The following PIEZO2 variants were observed in gnomAD, a reference collection of about 807,000 sequenced individuals.
The protein encoded by PIEZO2 is piezo type mechanosensitive ion channel component 2.
A neutral mutation model predicts 337.3 loss-of-function variants in PIEZO2; 172 were observed. The observed-to-expected ratio is 0.51, with a 90% CI of 0.45 to 0.58. The LOEUF is 0.58. PIEZO2 is among the 20% of genes least tolerant of loss of function. PIEZO2 has a pLI of 0.00. For synonymous variants in PIEZO2, 1,251 were observed against 1,228.5 expected, an observed-to-expected ratio of 1.02 and a Z score of -0.38; for missense variants, 3,028 against 3,391.3, an observed-to-expected ratio of 0.89 and a Z score of 2.66.
At chr18:10,958,515 G>A (rs1366842203) in intron 3 of PIEZO2, among the ~76,000 whole-genome samples, 2 of 152,152 alleles carry the variant, frequency 1.3e-5, no homozygotes, top group African/African-American at 4.8e-5. Flanking sequence ...ATATATTTCA[G>A]ATTGGTTAAA....
chr18:10,995,741 A>T (rs2035297164), intron 2 of PIEZO2, among the ~76,000 whole-genome samples: 1 of 152,166 alleles, frequency 6.6e-6, no homozygotes, highest in Non-Finnish European at 1.5e-5. Context: ...GCCTCTTTCC[A>T]GTGACTGTGT....
chr18:10,833,500 G>A lies in PIEZO2; in HGVS notation c.917+21853C>T, dbSNP rs537073547. Among the ~76,000 whole-genome samples, 3 of 152,204 alleles carry A rather than the reference G, an allele frequency of 2.0e-5. No individual in the cohort carries two copies. The highest frequency in any genetic ancestry group is 3.9e-4 in the East Asian group (2 of 5,154). On this transcript the variant is annotated intron_variant, in intron 7 of 55. Transcript: ENST00000674853. This position sits in a 1 kb window ranked among gnomAD's most constrained non-coding sequence, Gnocchi z 4.7. The stretch of plus-strand genomic sequence containing the variant: ...ATGCAGGCAGCTCGCTCCCCGGTGG[G>A]TTTTTATTTCTGTTGGAGTTCAGAA...
Position 10,702,588 on chromosome 18 carries a change from T to C in PIEZO2, c.6259-417A>G, listed in dbSNP as rs185320046. On this transcript the variant is annotated intron_variant, in intron 42 of 55. Transcript: ENST00000674853. ...CTGTATTTCTTTAATTCGCAATCTA[T>C]AGGAGCATATCACACGGTTAGGATG... 2.4e-4 allele frequency among the ~76,000 whole-genome samples: 36 copies of C among 152,362 alleles called. 2 individuals carry two copies. In the East Asian group the frequency reaches 6.0e-3, roughly 25 times the overall value.
At chr18:11,052,928 T>G (rs901317635) in intron 2 of PIEZO2, among the ~76,000 whole-genome samples, 11 of 151,564 alleles carry the variant, frequency 7.3e-5, no homozygotes, top group African/African-American at 2.7e-4. Flanking sequence ...AAGTATTTAT[T>G]AAGTGACTAG....
At chr18:10,710,384 C>T (rs1252307341) in intron 39 of PIEZO2, among the ~76,000 whole-genome samples, 1 of 152,100 alleles carries the variant, frequency 6.6e-6, no homozygotes, top group Non-Finnish European at 1.5e-5. Context: ...CCTGACGGGC[C>T]CCCCCACTGC....
Position 10,948,971 on chromosome 18 carries a change from G to A in PIEZO2, c.286+30564C>T, listed in dbSNP as rs118091289. ...TTGTAAACAGGTTGCTTTTATGAAA[G>A]CATGTTTTCTCTGCTCCTGAATAAT... On this transcript the variant is annotated intron_variant, in intron 3 of 55. Coordinates refer to ENST00000674853, the MANE Select transcript of PIEZO2 (RefSeq NM_001378183.1). 4.2e-3 allele frequency among the ~76,000 whole-genome samples: 643 copies of A among 152,246 alleles called. 2 individuals carry two copies. The highest frequency in any genetic ancestry group is 6.4e-3 in the Non-Finnish European group (437 of 68,014).
intron 16 of PIEZO2, among the ~76,000 whole-genome samples, chr18:10,786,556 A>G (rs1223617125): frequency 6.6e-6 from 1 of 152,274 alleles, no homozygotes; most frequent in Non-Finnish European, 1.5e-5. Flanking sequence ...AGAGAAGGAT[A>G]GAGCACTATC....
At chr18:11,046,551 T>C (rs1267631975) in intron 2 of PIEZO2, among the ~76,000 whole-genome samples, 4 of 152,196 alleles carry the variant, frequency 2.6e-5, no homozygotes, top group African/African-American at 9.7e-5. Flanking sequence ...AGTGAGAGAG[T>C]GCACGCGTCC....
chr18:11,063,378 A>G (rs1301377359), intron 2 of PIEZO2, among the ~76,000 whole-genome samples: 1 of 152,066 alleles, frequency 6.6e-6, no homozygotes, highest in Non-Finnish European at 1.5e-5. Context: ...ACATGTATAC[A>G]TATGTAACTA....
intron 1 of PIEZO2, among the ~76,000 whole-genome samples, chr18:11,093,554 A>G (rs900665951): frequency 1.4e-5 from 2 of 145,290 alleles, no homozygotes; most frequent in African/African-American, 2.5e-5. Context: ...TCTCCTTGAC[A>G]TCCAGTCCAT....
chr18:11,130,691 T>A (rs1461141705), intron 1 of PIEZO2, among the ~76,000 whole-genome samples: 3 of 152,128 alleles, frequency 2.0e-5, no homozygotes, highest in Non-Finnish European at 4.4e-5. Flanking sequence ...TTTCTAGGGG[T>A]CCAGTGGTGT....
rs538510705 is a variant in PIEZO2, at chr18:11,133,810, A to G, written c.64+14715T>C. Among the ~76,000 whole-genome samples, 528 of 149,350 alleles carry G rather than the reference A, an allele frequency of 3.5e-3. 2 individuals are homozygous for G. The highest frequency in any genetic ancestry group is 0.011 in the African/African-American group (456 of 40,940). Reference sequence around the variant, plus strand: ...CTCCTCTCTCTATATATATGTGTGTATATATATATATATACTTAATAAACT... The same window carrying G: ...CTCCTCTCTCTATATATATGTGTGTGTATATATATATATACTTAATAAACT... On this transcript the variant is annotated intron_variant, in intron 1 of 55. Transcript: ENST00000674853.
chr18:10,984,035 C>G (rs1158846548), intron 2 of PIEZO2, among the ~76,000 whole-genome samples: 2 of 152,166 alleles, frequency 1.3e-5, no homozygotes, highest in African/African-American at 4.8e-5. Flanking sequence ...CCCAGAATCT[C>G]TAACCCGGTT....
Position 10,702,395 on chromosome 18 carries a change from T to C in PIEZO2, c.6259-224A>G, listed in dbSNP as rs62095593. On this transcript the variant is annotated intron_variant, in intron 42 of 55. Transcript: ENST00000674853. The stretch of plus-strand genomic sequence containing the variant: ...CCGTCACAGTGTCTTTCACTGTAGA[T>C]CCAGCAAGGCCAGTCAGACTTCTCA... 0.23 allele frequency among the ~76,000 whole-genome samples: 34,511 copies of C among 152,092 alleles called. 3,968 individuals are homozygous for C. The highest frequency in any genetic ancestry group is 0.28 in the South Asian group (1,343 of 4,822).
intron 4 of PIEZO2, among the ~76,000 whole-genome samples, chr18:10,875,641 G>T (rs2042250062): frequency 6.6e-6 from 1 of 152,148 alleles, no homozygotes; most frequent in African/African-American, 2.4e-5. Context: ...GAGAGAAAAA[G>T]ACTTCTTATA....
chr18:10,806,786 T>C (rs1054015500), intron 8 of PIEZO2, among the ~76,000 whole-genome samples: 3 of 152,230 alleles, frequency 2.0e-5, no homozygotes, highest in Non-Finnish European at 2.9e-5. Context: ...ACCTATTCTA[T>C]TGATCAGAGT....
chr18:11,052,168 G>A (rs1049016139), intron 2 of PIEZO2, among the ~76,000 whole-genome samples: 1 of 152,032 alleles, frequency 6.6e-6, no homozygotes, highest in Non-Finnish European at 1.5e-5. Context: ...AGTGTATAGA[G>A]GGTACTTAGA....
At chr18:10,778,881 C>A (rs559453979) in intron 18 of PIEZO2, among the ~76,000 whole-genome samples, 1 of 152,318 alleles carries the variant, frequency 6.6e-6, no homozygotes, top group African/African-American at 2.4e-5. Context: ...CCCATCAAAC[C>A]AACTCTTGCC....
chr18:11,041,089 C>G (rs1233677515), intron 2 of PIEZO2, among the ~76,000 whole-genome samples: 2 of 152,122 alleles, frequency 1.3e-5, no homozygotes, highest in African/African-American at 4.8e-5. Flanking sequence ...TGAAAACGGA[C>G]AGTCCAAGGC....
Sources: gnomAD v4.1 joint callset for allele counts (sites outside exome capture counted in the v4.1 genomes callset) on GRCh38, gnomAD v4.1.1 for gene constraint, Gnocchi (gnomAD v3.1) non-coding constraint, MANE v1.5 for transcripts, NCBI Gene and HGNC (gene_info 2026-07-23, HGNC 2026-07-21) for gene names.